The following SH3RF1 variants were observed in gnomAD, a reference collection of about 807,000 sequenced individuals.
SH3RF1 encodes E3 ubiquitin-protein ligase SH3RF1.
In SH3RF1, 32 loss-of-function variants were observed where a neutral mutation model predicts 74.0. The observed-to-expected ratio is 0.43, with a 90% confidence interval of 0.33 to 0.58. The LOEUF (loss-of-function observed/expected upper bound fraction) is 0.58. Ranked by LOEUF, SH3RF1 falls within the 20% of genes least tolerant of loss-of-function variation. SH3RF1 has a pLI of 0.05. For missense variants in SH3RF1, 954 were observed against 1,130.9 expected (o/e 0.84, Z 2.24); for synonymous variants, 396 against 439.6 (o/e 0.90, Z 1.24).
At chr4:169,189,498 G>A (rs1734662327) in intron 2 of SH3RF1, among the ~76,000 whole-genome samples, 1 of 152,216 alleles carries the variant, frequency 6.6e-6, no homozygotes, top group Admixed American at 6.5e-5. Flanking sequence ...CATGTGAAAA[G>A]AAAGCAGGTA....
At chr4:169,119,531 T>C (rs577847715) in intron 8 of SH3RF1, among the ~76,000 whole-genome samples, 1 of 152,310 alleles carries the variant, frequency 6.6e-6, no homozygotes, top group South Asian at 2.1e-4. Context: ...TTTTGTTCTT[T>C]GTTGCATTTC....
chr4:169,165,834 C>T (rs982354167), intron 2 of SH3RF1, among the ~76,000 whole-genome samples: 7 of 152,006 alleles, frequency 4.6e-5, no homozygotes, highest in African/African-American at 1.7e-4. Context: ...TAGACAAAAG[C>T]GTCAAGGCAA....
At chr4:169,113,440 T>C (rs566019588) in intron 10 of SH3RF1, among the ~76,000 whole-genome samples, 1 of 152,258 alleles carries the variant, frequency 6.6e-6, no homozygotes, top group African/African-American at 2.4e-5. Context: ...ACCAAAGCAC[T>C]TTGCAGACCA....
At chr4:169,106,491 TA>T (rs201979539) in intron 11 of SH3RF1, among the ~76,000 whole-genome samples, 30,820 of 141,474 alleles carry the variant, frequency 0.22, 3,360 homozygotes, top group African/African-American at 0.3. Flanking sequence ...GGCAAAAAAT[TA>T]AAAAAAAAAA....
At chr4:169,252,235 C>T (rs1482082299) in intron 2 of SH3RF1, among the ~76,000 whole-genome samples, 1 of 152,198 alleles carries the variant, frequency 6.6e-6, no homozygotes, top group Non-Finnish European at 1.5e-5. Flanking sequence ...TCTTTGAGAA[C>T]AGAATGAATT....
At chr4:169,141,479 T>C (rs1321781732) in intron 4 of SH3RF1, among the ~76,000 whole-genome samples, 1 of 152,152 alleles carries the variant, frequency 6.6e-6, no homozygotes, top group Non-Finnish European at 1.5e-5. Context: ...TTAAAAATCG[T>C]TTTTTGAAGT....
At chr4:169,177,854 T>C (rs1207418759) in intron 2 of SH3RF1, among the ~76,000 whole-genome samples, 1 of 152,028 alleles carries the variant, frequency 6.6e-6, no homozygotes, top group Non-Finnish European at 1.5e-5. Context: ...TGTATGTATA[T>C]AATATATATA....
intron 11 of SH3RF1, 43 bp downstream of exon 11, chr4:169,106,804 T>C (rs1579084812): frequency 1.4e-6 from 2 of 1,412,034 alleles, no homozygotes. Flanking sequence ...CTAAAGCCTA[T>C]TGTTCATTTT....
At position 169,269,077 on chromosome 4, in the gene SH3RF1, C is replaced by A. The variant is rs150585496; in HGVS notation, c.136G>T (p.Glu46Ter). The change falls in exon 2 of 12, where the codon GAA becomes TAA. Residue 46 changes from glutamate to a stop codon, truncating the protein, a stop_gained. Coordinates refer to ENST00000284637, the MANE Select transcript of SH3RF1 (RefSeq NM_020870.4). LOFTEE classifies it high-confidence loss of function. ...GTCCTGCACTCGGGACATCTGAGTT[C>A]ATTTCGAGAACCTACGATCCCCAGC... is the stretch of plus-strand genomic sequence containing the variant. The part of the protein sequence containing the change: ...CLLGIVGSRN[E>*]LRCPECRTLV... 1 of 1,614,206 alleles carries A rather than the reference C, an allele frequency of 6.2e-7. No homozygotes were observed.
chr4:169,214,159 T>G (rs974381020), intron 2 of SH3RF1, among the ~76,000 whole-genome samples: 1 of 152,130 alleles, frequency 6.6e-6, no homozygotes, highest in Non-Finnish European at 1.5e-5. Flanking sequence ...CTCTTATGAG[T>G]AGCTTGGTAC....
rs1283545351 is a variant in SH3RF1, at chr4:169,136,471, G to A, written c.915C>T (p.Phe305=). The A allele has an allele frequency of 6.2e-7, 1 of 1,609,194 alleles. No individual in the cohort carries two copies. Among genetic ancestry groups the A allele is most frequent in the South Asian group, 1.1e-5 (1 of 90,932 alleles). ...ACTTGTTGGCCATAGTGAGGGAAGTGAAGGAGTGCCGCTTTTTGGTGTTCT... is the reference window on the plus strand; with the variant it reads ...ACTTGTTGGCCATAGTGAGGGAAGTAAAGGAGTGCCGCTTTTTGGTGTTCT... ...TKKNTKKRHS[F]TSLTMANKSS... is the part of the protein sequence containing the mutation. The change falls in exon 5 of 12, where the codon TTC becomes TTT. Residue 305 remains phenylalanine (F), a synonymous_variant. Transcript: ENST00000284637.
intron 6 of SH3RF1, among the ~76,000 whole-genome samples, chr4:169,129,233 A>C (rs1733573016): frequency 6.6e-6 from 1 of 152,268 alleles, no homozygotes; most frequent in Non-Finnish European, 1.5e-5. Flanking sequence ...CACTGGAGCA[A>C]ATAGAAAATA....
At chr4:169,174,647 T>C (rs1476302521) in intron 2 of SH3RF1, among the ~76,000 whole-genome samples, 1 of 152,182 alleles carries the variant, frequency 6.6e-6, no homozygotes, top group Non-Finnish European at 1.5e-5. Context: ...ATCTCATCTA[T>C]TTCCTTCTTT....
At chr4:169,135,182 C>T (rs1427568534) in intron 5 of SH3RF1, among the ~76,000 whole-genome samples, 1 of 151,690 alleles carries the variant, frequency 6.6e-6, no homozygotes, top group East Asian at 1.9e-4. Context: ...TAAAAACAAA[C>T]AAACAAACAA....
chr4:169,241,103 G>A (rs961488816), intron 2 of SH3RF1, among the ~76,000 whole-genome samples: 1 of 152,162 alleles, frequency 6.6e-6, no homozygotes, highest in African/African-American at 2.4e-5. Flanking sequence ...GGTGGCGGGC[G>A]CCTGTAGTCC....
intron 2 of SH3RF1, among the ~76,000 whole-genome samples, chr4:169,264,673 G>A (rs1400796819): frequency 2.0e-5 from 3 of 152,184 alleles, no homozygotes; most frequent in East Asian, 1.9e-4. Flanking sequence ...CCTGCTAATC[G>A]TCTCAGTCCC....
chr4:169,108,771 C>A (rs1733191066), intron 10 of SH3RF1, among the ~76,000 whole-genome samples: 1 of 152,242 alleles, frequency 6.6e-6, no homozygotes, highest in South Asian at 2.1e-4. Flanking sequence ...CAAACTTGGA[C>A]TGCCTGCATA....
chr4:169,235,829 C>T (rs139186743), intron 2 of SH3RF1, among the ~76,000 whole-genome samples: 2,730 of 152,068 alleles, frequency 0.018, 78 homozygotes, highest in African/African-American at 0.063. Flanking sequence ...TACAGGTGTG[C>T]ACCACCAGGA....
intron 9 of SH3RF1, among the ~76,000 whole-genome samples, chr4:169,117,294 G>A (rs1465334232): frequency 6.6e-6 from 1 of 152,134 alleles, no homozygotes; most frequent in East Asian, 1.9e-4. Flanking sequence ...GACATTCTTA[G>A]GATCAGCCTA....
Sources: gnomAD v4.1 joint callset for allele counts (sites outside exome capture counted in the v4.1 genomes callset) on GRCh38, gnomAD v4.1.1 for gene constraint, MANE v1.5 for transcripts, NCBI Gene and HGNC (gene_info 2026-07-23, HGNC 2026-07-21) for gene names.